Variants in LDB2 observed in about 807,000 individuals in gnomAD.
The protein encoded by LDB2 is LIM domain-binding protein 2.
Under a neutral mutation model 44.3 loss-of-function variants are expected in LDB2, and 12 were observed. That is an observed-to-expected ratio of 0.27 (90% CI 0.17 to 0.44). The LOEUF (loss-of-function observed/expected upper bound fraction) is 0.44, where lower values mean the gene tolerates loss of function less well. Ranked by LOEUF, LDB2 falls within the 20% of genes least tolerant of loss-of-function variation. The pLI is 1.00. For missense variants in LDB2, 344 were observed against 473.5 expected (o/e 0.73, Z 2.54); for synonymous variants, 164 against 174.8 (o/e 0.94, Z 0.49).
chr4:16,584,653 C>T (rs1208629206), intron 5 of LDB2, among the ~76,000 whole-genome samples: 1 of 152,224 alleles, frequency 6.6e-6, no homozygotes, highest in African/African-American at 2.4e-5. Flanking sequence ...CAAACCCATA[C>T]ATGATTTCCT....
intron 1 of LDB2, among the ~76,000 whole-genome samples, chr4:16,886,045 A>C (rs1219616396): frequency 6.6e-6 from 1 of 151,986 alleles, no homozygotes; most frequent in Non-Finnish European, 1.5e-5. Context: ...GAGAAATTCT[A>C]TCTCTACAAT....
chr4:16,523,891 T>TAAGA (rs1727232760), intron 5 of LDB2, among the ~76,000 whole-genome samples: 1 of 152,224 alleles, frequency 6.6e-6, no homozygotes, highest in African/African-American at 2.4e-5. Context: ...AAACCATAGG[T>TAAGA]AAGAAAGACC....
chr4:16,715,549 T>A (rs1380761218), intron 2 of LDB2, among the ~76,000 whole-genome samples: 1 of 152,196 alleles, frequency 6.6e-6, no homozygotes, highest in Admixed American at 6.5e-5. Context: ...ACACTAAGGA[T>A]CAGAGATATG....
intron 3 of LDB2, among the ~76,000 whole-genome samples, chr4:16,591,229 T>C (rs1257391952): frequency 6.6e-6 from 1 of 152,238 alleles, no homozygotes; most frequent in Non-Finnish European, 1.5e-5. Flanking sequence ...GGTTTACTTC[T>C]ATTGGGAGAG....
chr4:16,542,007 C>A, intron 5 of LDB2, among the ~76,000 whole-genome samples: 1 of 149,322 alleles, frequency 6.7e-6, no homozygotes. Flanking sequence ...GCAAGAACTT[C>A]TGGCAGTCTC....
At chr4:16,763,823 T>C (rs1015438800) in intron 1 of LDB2, among the ~76,000 whole-genome samples, 1 of 152,180 alleles carries the variant, frequency 6.6e-6, no homozygotes, top group Non-Finnish European at 1.5e-5. Flanking sequence ...TGCCTCTTAA[T>C]AGCTGGATGA....
At chr4:16,659,797 A>G (rs1022610526) in intron 2 of LDB2, among the ~76,000 whole-genome samples, 1 of 151,960 alleles carries the variant, frequency 6.6e-6, no homozygotes, top group Admixed American at 6.6e-5. Flanking sequence ...TTTTACCACA[A>G]TAGGAGTCAT....
In LDB2 at chr4:16,785,486, G is replaced by A. The variant is rs554397119; in HGVS notation, c.133-26226C>T. 3.2e-4 allele frequency among the ~76,000 whole-genome samples: 48 copies of A among 152,282 alleles called. No individual in the cohort carries two copies. The East Asian group carries it at 3.3e-3, about 10-fold the overall frequency. ...ATGAGCAGTTGCAAGTGCCCATTCC[G>A]ACTCCGTAAACAGGCCAAAATGTAA... is the stretch of plus-strand genomic sequence containing the variant. On this transcript the variant is annotated intron_variant, in intron 1 of 7. Coordinates refer to ENST00000304523, the MANE Select transcript of LDB2 (RefSeq NM_001290.5).
At position 16,690,459 on chromosome 4, in the gene LDB2, C is replaced by CAGGAAGGAAGGAAGGAAGGAAGGAAGGA. The variant is rs768921074; in HGVS notation, c.235+68698_235+68699insTCCTTCCTTCCTTCCTTCCTTCCTTCCT. Among the ~76,000 whole-genome samples, 26 of 50,302 alleles carry CAGGAAGGAAGGAAGGAAGGAAGGAAGGA rather than the reference C, an allele frequency of 5.2e-4. 2 individuals carry two copies. The highest frequency in any genetic ancestry group is 6.5e-4 in the Non-Finnish European group (18 of 27,866). 33.0% of individuals were successfully genotyped at this position (50,302 alleles called of 152,430 possible). A position where few individuals can be genotyped will look rare whatever the true frequency, so the allele number is the denominator to read the frequency against. ...CCTGGGCAACCGGAGGAAGACCCTG[C>CAGGAAGGAAGGAAGGAAGGAAGGAAGGA]AGGAAGGAAGGAAGGAAGGAAGGGA... On this transcript the variant is annotated intron_variant, in intron 2 of 7. Coordinates refer to ENST00000304523, the MANE Select transcript of LDB2 (RefSeq NM_001290.5).
chr4:16,696,344 C>A (rs966130958), intron 2 of LDB2, among the ~76,000 whole-genome samples: 5 of 151,984 alleles, frequency 3.3e-5, no homozygotes, highest in Non-Finnish European at 5.9e-5. Flanking sequence ...GCTCAAACTG[C>A]GAGTAGACAA....
At chr4:16,769,689 A>G (rs1394249668) in intron 1 of LDB2, among the ~76,000 whole-genome samples, 5 of 151,276 alleles carry the variant, frequency 3.3e-5, no homozygotes, top group African/African-American at 1.2e-4. Context: ...GCTCATTCTC[A>G]GCTAAATTGC....
chr4:16,861,193 C>T (rs1209910340), intron 1 of LDB2, among the ~76,000 whole-genome samples: 1 of 152,146 alleles, frequency 6.6e-6, no homozygotes, highest in Non-Finnish European at 1.5e-5. Flanking sequence ...CAAGCACAGG[C>T]TTACCAAACT....
chr4:16,722,812 G>C (rs567721592), intron 2 of LDB2, among the ~76,000 whole-genome samples: 236 of 152,176 alleles, frequency 1.6e-3, no homozygotes, highest in African/African-American at 5.0e-3. Context: ...TCTGAGGGTA[G>C]GGTCTGTTTG....
intron 5 of LDB2, among the ~76,000 whole-genome samples, chr4:16,521,969 G>A (rs62296893): frequency 0.089 from 13,549 of 152,064 alleles, 643 homozygotes; most frequent in South Asian, 0.14. Flanking sequence ...ATTCAGCTGC[G>A]GTTCAAACTC....
chr4:16,526,190 A>G (rs1728183797), intron 5 of LDB2, among the ~76,000 whole-genome samples: 2 of 152,180 alleles, frequency 1.3e-5, no homozygotes, highest in African/African-American at 4.8e-5. Context: ...ACACCACACA[A>G]TCAGCTGGGG....
intron 2 of LDB2, among the ~76,000 whole-genome samples, chr4:16,746,186 G>T (rs1237731750): frequency 6.6e-6 from 1 of 152,094 alleles, no homozygotes; most frequent in Non-Finnish European, 1.5e-5. Context: ...CTTACAGATG[G>T]TCCTGATTTA....
intron 2 of LDB2, among the ~76,000 whole-genome samples, chr4:16,663,857 G>A (rs1742285541): frequency 6.6e-6 from 1 of 152,144 alleles, no homozygotes; most frequent in East Asian, 1.9e-4. Flanking sequence ...CAATTCCAAT[G>A]AGTAGAATCT....
chr4:16,550,191 T>C (rs1463617281), intron 5 of LDB2, among the ~76,000 whole-genome samples: 1 of 152,244 alleles, frequency 6.6e-6, no homozygotes, highest in Non-Finnish European at 1.5e-5. Context: ...TATTCAACCC[T>C]CTTCATTCTG....
chr4:16,755,943 C>T (rs895006848), intron 2 of LDB2, among the ~76,000 whole-genome samples: 4 of 152,194 alleles, frequency 2.6e-5, no homozygotes, highest in Non-Finnish European at 4.4e-5. Context: ...CCTAAGAAAA[C>T]ATCAGTAGCT....
Sources: allele counts gnomAD v4.1 joint callset (sites outside exome capture counted in the v4.1 genomes callset), GRCh38; gene constraint gnomAD v4.1.1; transcripts MANE v1.5; gene names NCBI Gene and HGNC (gene_info 2026-07-23, HGNC 2026-07-21).